The following APBA2 variants were observed in gnomAD, a reference collection of about 807,000 sequenced individuals.
APBA2 encodes amyloid-beta A4 precursor protein-binding family A member 2.
Under a neutral mutation model 75.0 loss-of-function variants are expected in APBA2, and 30 were observed. That is an observed-to-expected ratio of 0.40 (90% confidence interval 0.30 to 0.54). The LOEUF (loss-of-function observed/expected upper bound fraction) is 0.54. Among genes scored for constraint, APBA2 ranks in the 20% least tolerant of loss-of-function variants. The pLI is 0.49. For synonymous variants in APBA2, 444 were observed against 409.6 expected (o/e 1.08, Z -1.01); for missense variants, 801 against 1,016.1 (o/e 0.79, Z 2.88).
At chr15:28,908,410 A>G (rs2033251458) in intron 1 of APBA2, among the ~76,000 whole-genome samples, 1 of 150,158 alleles carries the variant, frequency 6.7e-6, no homozygotes. Context: ...TCCCAGGTTC[A>G]CGCCATTCTC....
At chr15:28,982,890 A>T (rs2037701453) in intron 2 of APBA2, among the ~76,000 whole-genome samples, 1 of 152,256 alleles carries the variant, frequency 6.6e-6, no homozygotes, top group African/African-American at 2.4e-5. Context: ...GCCAGCTTCC[A>T]TGATGACCCC....
intron 3 of APBA2, among the ~76,000 whole-genome samples, chr15:29,043,525 C>T (rs952489988): frequency 6.6e-6 from 1 of 152,216 alleles, no homozygotes; most frequent in East Asian, 1.9e-4. Context: ...AAATAGGTAC[C>T]ATTGTCCCAT....
At chr15:29,036,408 C>T (rs1595791152) in intron 3 of APBA2, among the ~76,000 whole-genome samples, 1 of 152,210 alleles carries the variant, frequency 6.6e-6, no homozygotes. Context: ...CACTTCAAAG[C>T]GAGCCTCACT....
At chr15:28,978,965 A>C (rs1212133420) in intron 2 of APBA2, among the ~76,000 whole-genome samples, 1 of 152,220 alleles carries the variant, frequency 6.6e-6, no homozygotes, top group Non-Finnish European at 1.5e-5. Flanking sequence ...GAAGTTCTTA[A>C]AATCCTATGG....
At chr15:28,950,732 C>T (rs925669674) in intron 2 of APBA2, among the ~76,000 whole-genome samples, 13 of 152,100 alleles carry the variant, frequency 8.5e-5, no homozygotes, top group African/African-American at 3.1e-4. Flanking sequence ...TGTGGAGTTA[C>T]ACTCCACTCC....
intron 1 of APBA2, among the ~76,000 whole-genome samples, chr15:28,888,407 G>A (rs1012208971): frequency 5.3e-5 from 8 of 152,316 alleles, no homozygotes; most frequent in East Asian, 1.9e-4. Flanking sequence ...TGGATTGGGC[G>A]GCGGTGGCTG....
intron 1 of APBA2, among the ~76,000 whole-genome samples, chr15:28,894,691 C>G (rs369407333): frequency 3.9e-5 from 6 of 152,190 alleles, no homozygotes; most frequent in Admixed American, 1.3e-4. Context: ...GGGTTGGGAG[C>G]GAAGCAGATG....
At chr15:29,023,927 A>T (rs2040085871) in intron 3 of APBA2, among the ~76,000 whole-genome samples, 1 of 146,302 alleles carries the variant, frequency 6.8e-6, no homozygotes, top group African/African-American at 2.5e-5. Context: ...TTTTTGAGAT[A>T]CAGTCTCGCT....
chr15:28,984,221 C>T (rs755951400), intron 2 of APBA2, among the ~76,000 whole-genome samples: 7 of 152,036 alleles, frequency 4.6e-5, no homozygotes, highest in Non-Finnish European at 7.4e-5. Context: ...CTCTGAGTGC[C>T]GGGCCATGCT....
At chr15:29,082,774 T>G (rs967088624) in intron 6 of APBA2, among the ~76,000 whole-genome samples, 1 of 152,180 alleles carries the variant, frequency 6.6e-6, no homozygotes, top group Non-Finnish European at 1.5e-5. Context: ...GAAAATAAAG[T>G]TGTTGGCCAG....
intron 3 of APBA2, among the ~76,000 whole-genome samples, chr15:29,035,276 C>T (rs1329942995): frequency 6.6e-6 from 1 of 152,152 alleles, no homozygotes; most frequent in Non-Finnish European, 1.5e-5. Context: ...CGAATGATTG[C>T]AATCGTGGGG....
chr15:29,113,833 G>T, intron 13 of APBA2, 43 bp from the exon 14 acceptor site: 1 of 1,560,388 alleles, frequency 6.4e-7, no homozygotes, highest in Non-Finnish European at 8.7e-7. Flanking sequence ...CGCCTGTCGG[G>T]TGTGGCGGGA....
intron 10 of APBA2, among the ~76,000 whole-genome samples, chr15:29,104,471 C>T (rs1385254898): frequency 6.6e-6 from 1 of 152,260 alleles, no homozygotes; most frequent in African/African-American, 2.4e-5. Context: ...AGCAGGCGGC[C>T]GGCCAGGCCC....
intron 2 of APBA2, among the ~76,000 whole-genome samples, chr15:28,939,884 G>A (rs1173369331): frequency 6.6e-6 from 1 of 152,216 alleles, no homozygotes; most frequent in East Asian, 1.9e-4. Context: ...TAAGGACTGG[G>A]GGGAACGTCC....
At chr15:28,996,557 C>A (rs2038533863) in intron 3 of APBA2, among the ~76,000 whole-genome samples, 1 of 152,200 alleles carries the variant, frequency 6.6e-6, no homozygotes, top group South Asian at 2.1e-4. Flanking sequence ...TGGCTGTCTT[C>A]TTCTGTGGCT....
intron 2 of APBA2, among the ~76,000 whole-genome samples, chr15:28,974,436 A>G (rs1218979954): frequency 6.6e-6 from 1 of 152,180 alleles, no homozygotes; most frequent in Non-Finnish European, 1.5e-5. Context: ...GGACCAAAAC[A>G]TACGCCTCCA....
intron 6 of APBA2, among the ~76,000 whole-genome samples, chr15:29,078,624 A>G (rs931003091): frequency 6.6e-6 from 1 of 151,300 alleles, no homozygotes; most frequent in Non-Finnish European, 1.5e-5. Context: ...AAAAAAAAAA[A>G]CAAAACAAAA....
intron 5 of APBA2, 118 bp from the exon 6 acceptor site, chr15:29,075,937 C>A: frequency 1.1e-6 from 1 of 899,838 alleles, no homozygotes; most frequent in Non-Finnish European, 1.9e-6. Context: ...AACACCATCA[C>A]TCATGGGGGG....
At chr15:28,931,264 G>A (rs1182845036) in intron 2 of APBA2, among the ~76,000 whole-genome samples, 1 of 152,170 alleles carries the variant, frequency 6.6e-6, no homozygotes, top group African/African-American at 2.4e-5. Context: ...CAGCTTACAT[G>A]AACATCTCAT....
Sources: gnomAD v4.1 joint callset for allele counts (sites outside exome capture counted in the v4.1 genomes callset) on GRCh38, gnomAD v4.1.1 for gene constraint, MANE v1.5 for transcripts, NCBI Gene and HGNC (gene_info 2026-07-23, HGNC 2026-07-21) for gene names.